Variants in TRPC4 observed in about 807,000 individuals in gnomAD.
TRPC4 encodes the protein short transient receptor potential channel 4.
In TRPC4, 49 loss-of-function variants were observed where a neutral mutation model predicts 99.4. The observed-to-expected ratio is 0.49, with a 90% CI of 0.39 to 0.63. The LOEUF is 0.63. Ranked by LOEUF, TRPC4 falls within the 20% of genes least tolerant of loss-of-function variation. The pLI is 0.00. For synonymous variants in TRPC4, 454 were observed against 425.9 expected (o/e 1.07, Z -0.81); for missense variants, 898 against 1,152.9 (o/e 0.78, Z 3.20).
chr13:37,783,812 C>A (rs1956905402), intron 1 of TRPC4, among the ~76,000 whole-genome samples: 1 of 151,954 alleles, frequency 6.6e-6, no homozygotes, highest in Admixed American at 6.6e-5. Context: ...TTATGTAATA[C>A]CATTATGTTT....
At chr13:37,648,038 G>A (rs917573258) in intron 8 of TRPC4, among the ~76,000 whole-genome samples, 2 of 152,158 alleles carry the variant, frequency 1.3e-5, no homozygotes, top group Non-Finnish European at 2.9e-5. Flanking sequence ...TGCCTCCCGG[G>A]TTCAAGCGAT....
At chr13:37,686,001 T>A (rs1035533542) in intron 4 of TRPC4, among the ~76,000 whole-genome samples, 3 of 152,122 alleles carry the variant, frequency 2.0e-5, no homozygotes, top group Non-Finnish European at 2.9e-5. Flanking sequence ...AAATATCCAT[T>A]TTAAATTAAT....
At chr13:37,772,371 A>G (rs1437079028) in intron 2 of TRPC4, among the ~76,000 whole-genome samples, 2 of 151,720 alleles carry the variant, frequency 1.3e-5, no homozygotes, top group African/African-American at 4.8e-5. Flanking sequence ...TACCCCAATG[A>G]ACAAACGTTA....
chr13:37,838,454 G>A (rs9548063), intron 1 of TRPC4, among the ~76,000 whole-genome samples: 38,447 of 152,076 alleles, frequency 0.25, 5,549 homozygotes, highest in Middle Eastern at 0.34. Context: ...AAGTCACAAA[G>A]GCAGAGTTAA....
At chr13:37,728,467 C>A (rs1005655282) in intron 3 of TRPC4, among the ~76,000 whole-genome samples, 4 of 151,778 alleles carry the variant, frequency 2.6e-5, no homozygotes, top group Non-Finnish European at 4.4e-5. Flanking sequence ...GTAGGAATTA[C>A]CTTAACCATG....
intron 3 of TRPC4, among the ~76,000 whole-genome samples, chr13:37,731,170 C>T (rs1026257452): frequency 1.3e-5 from 2 of 151,980 alleles, no homozygotes; most frequent in East Asian, 1.9e-4. Context: ...AATGTTGGCA[C>T]TTACAATTTA....
At chr13:37,696,137 A>G (rs1953896216) in intron 3 of TRPC4, among the ~76,000 whole-genome samples, 1 of 152,192 alleles carries the variant, frequency 6.6e-6, no homozygotes, top group African/African-American at 2.4e-5. Flanking sequence ...AGACAAAAGA[A>G]GAGCGCTTGT....
At chr13:37,735,121 CTG>C (rs1234030899) in intron 3 of TRPC4, among the ~76,000 whole-genome samples, 1 of 152,046 alleles carries the variant, frequency 6.6e-6, no homozygotes, top group African/African-American at 2.4e-5. Flanking sequence ...GAGAGTTTTA[CTG>C]TGTGTCTTTT....
intron 1 of TRPC4, among the ~76,000 whole-genome samples, chr13:37,840,695 A>T (rs1958707803): frequency 6.6e-6 from 1 of 152,056 alleles, no homozygotes; most frequent in South Asian, 2.1e-4. Flanking sequence ...TCTCATTTTA[A>T]CAGCTACTTT....
chr13:37,703,301 C>G (rs116235199), intron 3 of TRPC4, among the ~76,000 whole-genome samples: 1,733 of 152,170 alleles, frequency 0.011, 31 homozygotes, highest in African/African-American at 0.04. Context: ...GACCATAACA[C>G]TGTTTACCCA....
At chr13:37,793,103 T>A (rs1957163148) in intron 1 of TRPC4, among the ~76,000 whole-genome samples, 1 of 152,166 alleles carries the variant, frequency 6.6e-6, no homozygotes. Context: ...TGGTTAGAAG[T>A]TTTGAAAATA....
chr13:37,829,661 T>C (rs1958355531), intron 1 of TRPC4, among the ~76,000 whole-genome samples: 1 of 152,146 alleles, frequency 6.6e-6, no homozygotes, highest in Non-Finnish European at 1.5e-5. Flanking sequence ...TCAAATTAAA[T>C]GAAAATATAT....
chr13:37,784,339 G>T (rs905781475), intron 1 of TRPC4, among the ~76,000 whole-genome samples: 1 of 151,972 alleles, frequency 6.6e-6, no homozygotes, highest in Non-Finnish European at 1.5e-5. Flanking sequence ...TTAAAGTAAG[G>T]ATATAGTTGA....
At chr13:37,795,348 AACC>A (rs1415259926) in intron 1 of TRPC4, among the ~76,000 whole-genome samples, 6 of 152,120 alleles carry the variant, frequency 3.9e-5, no homozygotes, top group Non-Finnish European at 8.8e-5. Context: ...CTGTTAAGAC[AACC>A]ACCACCACCA....
At chr13:37,810,925 A>G (rs543302931) in intron 1 of TRPC4, among the ~76,000 whole-genome samples, 7 of 152,046 alleles carry the variant, frequency 4.6e-5, no homozygotes, top group Admixed American at 6.6e-5. Flanking sequence ...GTTATAGCAC[A>G]TGTTCTATTG....
chr13:37,692,380 T>C (rs1233077521), intron 3 of TRPC4, 45 bp from the exon 4 acceptor site: 2 of 1,514,808 alleles, frequency 1.3e-6, no homozygotes, highest in African/African-American at 1.4e-5. Context: ...CACAGTTACA[T>C]GGAGTGGCCT....
At chr13:37,747,780 G>A (rs1383317236) in intron 2 of TRPC4, among the ~76,000 whole-genome samples, 2 of 152,100 alleles carry the variant, frequency 1.3e-5, no homozygotes, top group African/African-American at 4.8e-5. Flanking sequence ...CCTTTACAGA[G>A]GTATGCAATT....
chr13:37,749,921 C>T (rs1202651614), intron 2 of TRPC4, among the ~76,000 whole-genome samples: 2 of 152,030 alleles, frequency 1.3e-5, no homozygotes, highest in Non-Finnish European at 2.9e-5. Context: ...TCTGAACATG[C>T]TTAGGTAACA....
chr13:37,808,660 A>G (rs1439144349), intron 1 of TRPC4, among the ~76,000 whole-genome samples: 2 of 152,116 alleles, frequency 1.3e-5, no homozygotes, highest in Non-Finnish European at 1.5e-5. Flanking sequence ...AAGTCCAGTC[A>G]TTGTGCTCCA....
Sources: gnomAD v4.1 joint callset for allele counts (sites outside exome capture counted in the v4.1 genomes callset) on GRCh38, gnomAD v4.1.1 for gene constraint, MANE v1.5 for transcripts, NCBI Gene and HGNC (gene_info 2026-07-23, HGNC 2026-07-21) for gene names.